Variants in SUPT3H observed in about 807,000 individuals in gnomAD.
SUPT3H encodes the protein transcription initiation protein SPT3 homolog.
In SUPT3H, 44 loss-of-function variants were observed where a neutral mutation model predicts 44.3. The observed-to-expected ratio is 0.99, with a 90% confidence interval of 0.78 to 1.28. The LOEUF is 1.28. Among genes scored for constraint, SUPT3H ranks in the 50% most tolerant of loss-of-function variants. The pLI is 0.00. For missense variants in SUPT3H, 380 were observed against 387.1 expected (o/e 0.98, Z 0.15); for synonymous variants, 124 against 125.6 (o/e 0.99, Z 0.09).
intron 2 of SUPT3H, among the ~76,000 whole-genome samples, chr6:45,353,414 A>G (rs1053673559): frequency 6.6e-6 from 1 of 152,094 alleles, no homozygotes; most frequent in African/African-American, 2.4e-5. Flanking sequence ...AGAAGCTATA[A>G]TAACTAAAAT....
intron 6 of SUPT3H, among the ~76,000 whole-genome samples, chr6:44,973,246 C>T (rs1777850927): frequency 6.6e-6 from 1 of 152,034 alleles, no homozygotes; most frequent in African/African-American, 2.4e-5. Flanking sequence ...TGCTATATAC[C>T]CTAAATCATC....
chr6:45,342,960 C>T (rs570279805), intron 2 of SUPT3H, among the ~76,000 whole-genome samples: 55 of 152,080 alleles, frequency 3.6e-4, no homozygotes, highest in Non-Finnish European at 5.3e-4. Flanking sequence ...CCAGTTATAG[C>T]GCCTAGTACA....
At chr6:44,851,891 G>C (rs1288769937) in intron 10 of SUPT3H, among the ~76,000 whole-genome samples, 1 of 152,104 alleles carries the variant, frequency 6.6e-6, no homozygotes, top group Non-Finnish European at 1.5e-5. Flanking sequence ...ATCGAAAACT[G>C]ACTTACATCA....
chr6:44,981,075 T>C (rs754983925), intron 6 of SUPT3H, among the ~76,000 whole-genome samples: 5 of 152,120 alleles, frequency 3.3e-5, no homozygotes, highest in Non-Finnish European at 7.4e-5. Context: ...TGCCAGCTGG[T>C]GGGATGGATC....
At chr6:45,249,946 C>T in intron 2 of SUPT3H, among the ~76,000 whole-genome samples, 1 of 152,042 alleles carries the variant, frequency 6.6e-6, no homozygotes, top group East Asian at 1.9e-4. Context: ...TACAACCAGG[C>T]TTATAAACCC....
intron 2 of SUPT3H, among the ~76,000 whole-genome samples, chr6:45,301,884 T>TA (rs748805202): frequency 6.6e-6 from 1 of 152,208 alleles, no homozygotes; most frequent in Non-Finnish European, 1.5e-5. Context: ...TTTGATTTGT[T>TA]AAAGTTTATG....
At chr6:45,228,119 A>C (rs185944216) in intron 2 of SUPT3H, among the ~76,000 whole-genome samples, 8 of 152,320 alleles carry the variant, frequency 5.3e-5, no homozygotes, top group Non-Finnish European at 1.5e-5. Context: ...GCAATCAGTA[A>C]GTGAAGCCAA....
At chr6:44,922,260 T>C (rs1196377582) in intron 10 of SUPT3H, among the ~76,000 whole-genome samples, 1 of 152,226 alleles carries the variant, frequency 6.6e-6, no homozygotes, top group African/African-American at 2.4e-5. Context: ...ATTATTTTTT[T>C]CCCGCACATT....
At chr6:45,018,156 T>C (rs1229428906) in intron 4 of SUPT3H, among the ~76,000 whole-genome samples, 1 of 151,972 alleles carries the variant, frequency 6.6e-6, no homozygotes, top group Non-Finnish European at 1.5e-5. Flanking sequence ...TTGTCTGTTA[T>C]TGGTGTATAA....
At chr6:44,974,982 C>T (rs1191056506) in intron 6 of SUPT3H, among the ~76,000 whole-genome samples, 1 of 152,062 alleles carries the variant, frequency 6.6e-6, no homozygotes, top group Non-Finnish European at 1.5e-5. Context: ...ACCAGCCTGA[C>T]CAATATGGTA....
At chr6:45,132,152 C>T (rs751228542) in intron 2 of SUPT3H, among the ~76,000 whole-genome samples, 2 of 152,146 alleles carry the variant, frequency 1.3e-5, no homozygotes, top group Non-Finnish European at 2.9e-5. Context: ...GAAAGCTAAA[C>T]TGCAAATAAG....
chr6:45,220,100 A>G (rs994139134), intron 2 of SUPT3H, among the ~76,000 whole-genome samples: 4 of 151,632 alleles, frequency 2.6e-5, no homozygotes, highest in Non-Finnish European at 5.9e-5. Flanking sequence ...TATTAAAAAA[A>G]AGATGAGAAA....
In SUPT3H at chr6:45,290,660, C is replaced by G. The variant is rs1015319167; in HGVS notation, c.101+74541G>C. The stretch of plus-strand genomic sequence containing the variant: ...TAAGTCCAAAGAAGTGGCTGAAACT[C>G]TCATTCAAAGCTAAAAGCAGAGTTA... On this transcript the variant is annotated intron_variant, in intron 2 of 10. Coordinates refer to ENST00000371459, the MANE Select transcript of SUPT3H (RefSeq NM_003599.4). Among the ~76,000 whole-genome samples the G allele has an allele frequency of 2.6e-5, 4 of 152,228 alleles. No individual in the cohort carries two copies. The East Asian group carries it at 7.7e-4, about 29-fold the overall frequency.
intron 5 of SUPT3H, among the ~76,000 whole-genome samples, chr6:45,004,254 G>A (rs952055929): frequency 6.6e-6 from 1 of 151,906 alleles, no homozygotes. Context: ...AAAGGAGACA[G>A]GGTGAAATAC....
At chr6:45,193,058 A>G (rs190763729) in intron 2 of SUPT3H, among the ~76,000 whole-genome samples, 2 of 152,320 alleles carry the variant, frequency 1.3e-5, no homozygotes, top group Admixed American at 1.3e-4. Flanking sequence ...AGAGTTCCAA[A>G]GAATTCTCTT....
intron 10 of SUPT3H, among the ~76,000 whole-genome samples, chr6:44,841,433 T>C (rs1314322487): frequency 2.0e-5 from 3 of 152,170 alleles, no homozygotes; most frequent in African/African-American, 7.2e-5. Context: ...ATGGTAAGGC[T>C]TGGTCCTCAA....
In SUPT3H at chr6:45,196,349, A is replaced by G. The variant is rs567237080; in HGVS notation, c.102-90343T>C. ...TACTGCAAACATAAATAGCAAATGC[A>G]CGCTTCAGCACTTTTTAAAGGATAT... On this transcript the variant is annotated intron_variant, in intron 2 of 10. Coordinates refer to ENST00000371459, the MANE Select transcript of SUPT3H (RefSeq NM_003599.4). Among the ~76,000 whole-genome samples, 5 of 152,208 alleles carry G rather than the reference A, an allele frequency of 3.3e-5. No individual in the cohort carries two copies. In the South Asian group the frequency reaches 1.0e-3, roughly 32 times the overall value.
At chr6:45,189,950 G>A (rs1436151715) in intron 2 of SUPT3H, among the ~76,000 whole-genome samples, 1 of 152,116 alleles carries the variant, frequency 6.6e-6, no homozygotes, top group Non-Finnish European at 1.5e-5. Context: ...ACTTTTTAAT[G>A]TATCTTCCCT....
intron 2 of SUPT3H, among the ~76,000 whole-genome samples, chr6:45,266,374 G>T (rs111724643): frequency 6.6e-6 from 1 of 151,512 alleles, no homozygotes; most frequent in South Asian, 2.1e-4. Flanking sequence ...TAATGATTTC[G>T]TCAAAGTGAT....
Sources: gnomAD v4.1 joint callset for allele counts (sites outside exome capture counted in the v4.1 genomes callset) on GRCh38, gnomAD v4.1.1 for gene constraint, MANE v1.5 for transcripts, NCBI Gene and HGNC (gene_info 2026-07-23, HGNC 2026-07-21) for gene names.